LRPPRC: variants seen among roughly 807,000 people sequenced by gnomAD.
LRPPRC encodes leucine-rich PPR motif-containing protein, mitochondrial.
In LRPPRC, 120 loss-of-function variants were observed where a neutral mutation model predicts 180.3. The observed-to-expected ratio is 0.67, with a 90% CI of 0.57 to 0.77. The LOEUF is 0.77. LRPPRC is among the 30% of genes least tolerant of loss of function. The pLI is 0.00. For synonymous variants in LRPPRC, 723 were observed against 600.0 expected (o/e 1.21, Z -3.00); for missense variants, 2,012 against 1,657.2 (o/e 1.21, Z -3.72).
In LRPPRC at chr2:43,948,139, C is replaced by A. The variant is rs750995045; in HGVS notation, c.1903G>T (p.Val635Phe). The change falls in exon 18 of 38, where the codon GTT becomes TTT. Residue 635 changes from valine (V) to phenylalanine (F), a missense_variant. Coordinates refer to ENST00000260665, the MANE Select transcript of LRPPRC (RefSeq NM_133259.4). ...ACACACACCTTAATCAATTCAGGAA[C>A]ATGGTAGCTTTCCAGGAGATTACGA... ...GIRNLLESYH[V>F]PELIKDAHLL... 59 of 1,600,636 alleles carry A rather than the reference C, an allele frequency of 3.7e-5. No individual in the cohort carries two copies. In the Admixed American group the frequency reaches 9.5e-4, roughly 26 times the overall value.
intron 34 of LRPPRC, among the ~76,000 whole-genome samples, chr2:43,897,229 T>A (rs371484730): frequency 1.3e-5 from 2 of 152,128 alleles, no homozygotes; most frequent in African/African-American, 4.8e-5. Context: ...TATAAAAGGC[T>A]TTCACTGCAA....
At chr2:43,953,101 C>G (rs1196900354) in intron 14 of LRPPRC, among the ~76,000 whole-genome samples, 1 of 152,178 alleles carries the variant, frequency 6.6e-6, no homozygotes, top group Non-Finnish European at 1.5e-5. Flanking sequence ...CCTGAAAAAC[C>G]CTTCCCTTCC....
At chr2:43,929,677 T>C (rs559021699) in intron 25 of LRPPRC, among the ~76,000 whole-genome samples, 56 of 152,292 alleles carry the variant, frequency 3.7e-4, no homozygotes, top group Middle Eastern at 3.4e-3. Flanking sequence ...TTTATCCCCA[T>C]AGCTAGCACA....
intron 27 of LRPPRC, among the ~76,000 whole-genome samples, chr2:43,918,856 T>G (rs1032455808): frequency 2.7e-5 from 4 of 148,602 alleles, no homozygotes; most frequent in Non-Finnish European, 5.9e-5. Context: ...TAGAGATATA[T>G]ATATAGATAT....
rs772732813 is a variant in LRPPRC at position 43,918,239 on chromosome 2, A to G, written c.3039+17T>C. The G allele has an allele frequency of 6.2e-7, 1 of 1,612,450 alleles. No homozygotes were observed. The highest frequency in any genetic ancestry group is 8.5e-7 in the Non-Finnish European group (1 of 1,178,508). The stretch of plus-strand genomic sequence containing the variant: ...ACTGACAACAAAATCTGTTACGATT[A>G]TGCCAAAAACAATTACCTCAGGTAC... On this transcript the variant is annotated intron_variant, in intron 28 of 37. Transcript: ENST00000260665.
intron 14 of LRPPRC, among the ~76,000 whole-genome samples, chr2:43,956,882 T>C (rs2103648021): frequency 6.6e-6 from 1 of 152,194 alleles, no homozygotes; most frequent in East Asian, 1.9e-4. Flanking sequence ...AGAGCAAGAC[T>C]CCGTCTCAAA....
chr2:43,953,788 C>T (rs1468562708), intron 14 of LRPPRC, among the ~76,000 whole-genome samples: 1 of 152,168 alleles, frequency 6.6e-6, no homozygotes, highest in Non-Finnish European at 1.5e-5. Context: ...ATAATCCAAT[C>T]ACTAAAAACA....
chr2:43,891,843 C>T (rs1184844161), intron 36 of LRPPRC, among the ~76,000 whole-genome samples: 1 of 152,262 alleles, frequency 6.6e-6, no homozygotes, highest in Non-Finnish European at 1.5e-5. Flanking sequence ...AGCTAGGCTT[C>T]TTGCGTGGAA....
intron 20 of LRPPRC, among the ~76,000 whole-genome samples, chr2:43,946,941 C>A (rs1017067587): frequency 1.3e-5 from 2 of 152,102 alleles, no homozygotes; most frequent in African/African-American, 4.8e-5. Context: ...ATGACTACTG[C>A]GTGTATCAGT....
chr2:43,984,361 A>T (rs868159378), intron 1 of LRPPRC, among the ~76,000 whole-genome samples: 1 of 152,220 alleles, frequency 6.6e-6, no homozygotes, highest in African/African-American at 2.4e-5. Flanking sequence ...CCGCTACAGG[A>T]TATTTTTTAA....
At chr2:43,889,218 G>A (rs1028208207) in intron 37 of LRPPRC, among the ~76,000 whole-genome samples, 1 of 148,704 alleles carries the variant, frequency 6.7e-6, no homozygotes, top group African/African-American at 2.5e-5. Context: ...GGGAGGCTGA[G>A]GCAGGAGAAT....
At chr2:43,925,566 G>A (rs568377217) in intron 26 of LRPPRC, among the ~76,000 whole-genome samples, 3 of 152,198 alleles carry the variant, frequency 2.0e-5, no homozygotes, top group East Asian at 3.9e-4. Flanking sequence ...CACCAGAGGA[G>A]GGCAAGCAGA....
chr2:43,970,978 T>C (rs1326853989), intron 11 of LRPPRC, among the ~76,000 whole-genome samples: 1 of 151,904 alleles, frequency 6.6e-6, no homozygotes, highest in African/African-American at 2.4e-5. Flanking sequence ...CGCATGCCTG[T>C]AATCCCAGCT....
At chr2:43,899,377 G>C in intron 33 of LRPPRC, 43 bp from the exon 34 acceptor site, 4 of 1,600,758 alleles carry the variant, frequency 2.5e-6, no homozygotes, top group Non-Finnish European at 2.6e-6. Context: ...TTAGAACAGT[G>C]GTATAACTCA....
intron 1 of LRPPRC, 61 bp from the exon 2 acceptor site, chr2:43,982,495 C>T (rs902059677): frequency 1.5e-6 from 2 of 1,312,506 alleles, no homozygotes; most frequent in Non-Finnish European, 2.2e-6. Context: ...ATTTTTTGAA[C>T]AAAACTTAAA....
At chr2:43,960,191 C>T (rs1673284255) in intron 13 of LRPPRC, among the ~76,000 whole-genome samples, 4 of 152,104 alleles carry the variant, frequency 2.6e-5, no homozygotes. Context: ...TTCACAACTC[C>T]CCCAAGTTAG....
chr2:43,979,891 G>A lies in LRPPRC; in HGVS notation c.404C>T (p.Pro135Leu). Reference sequence around the variant, plus strand: ...TGTTCTCTCTTCAAGCTTTAGTTCAGGCAAGAGAGAACCACAACTACGTAG... The same window carrying A: ...TGTTCTCTCTTCAAGCTTTAGTTCAAGCAAGAGAGAACCACAACTACGTAG... ...LLLRSCGSLL[P>L]ELKLEERTEF... is the part of the protein sequence containing the mutation. The change falls in exon 3 of 38, where the codon CCT (proline) becomes CTT (leucine). Residue 135 changes from proline (P) to leucine (L), a missense_variant. Physicochemically the swap from Pro to Leu is moderately conservative, Grantham distance 98. Transcript: ENST00000260665. The A allele has an allele frequency of 6.8e-6, 11 of 1,613,280 alleles. No individual in the cohort carries two copies. Among genetic ancestry groups the A allele is most frequent in the Non-Finnish European group, 9.3e-6 (11 of 1,179,342 alleles).
At chr2:43,972,471 T>G (rs1205434567) in intron 11 of LRPPRC, among the ~76,000 whole-genome samples, 2 of 152,176 alleles carry the variant, frequency 1.3e-5, no homozygotes, top group Non-Finnish European at 2.9e-5. Flanking sequence ...CCAAAAAAAT[T>G]TTCATACTTG....
intron 23 of LRPPRC, among the ~76,000 whole-genome samples, chr2:43,943,084 T>A (rs925877666): frequency 2.0e-5 from 3 of 152,098 alleles, no homozygotes; most frequent in African/African-American, 7.2e-5. Flanking sequence ...AAATTACGCT[T>A]AGTCATCTTA....
Sources: allele counts gnomAD v4.1 joint callset (sites outside exome capture counted in the v4.1 genomes callset), GRCh38; gene constraint gnomAD v4.1.1; transcripts MANE v1.5; gene names NCBI Gene and HGNC (gene_info 2026-07-23, HGNC 2026-07-21).